The following NCAM1 variants were observed in gnomAD, a reference collection of about 807,000 sequenced individuals.
NCAM1 encodes the protein neural cell adhesion molecule 1, also known as antigen recognized by monoclonal antibody 5.1H11.
A neutral mutation model predicts 109.8 loss-of-function variants in NCAM1; 14 were observed. The ratio of observed to expected loss-of-function variants is 0.13; its 90% confidence interval spans 0.08 to 0.20. The LOEUF (loss-of-function observed/expected upper bound fraction) is 0.20. NCAM1 is among the 10% of genes least tolerant of loss of function. NCAM1 has a pLI of 1.00. For synonymous variants in NCAM1, 418 were observed against 442.9 expected (o/e 0.94, Z 0.70); for missense variants, 774 against 1,109.9 (o/e 0.70, Z 4.30).
chr11:113,229,278 T>C (rs1944934698), intron 9 of NCAM1, among the ~76,000 whole-genome samples: 1 of 152,140 alleles, frequency 6.6e-6, no homozygotes, highest in Non-Finnish European at 1.5e-5. Flanking sequence ...GCAAAGGATA[T>C]GAACGACACT....
At chr11:113,109,954 A>G (rs1391273342) in intron 1 of NCAM1, among the ~76,000 whole-genome samples, 2 of 152,214 alleles carry the variant, frequency 1.3e-5, no homozygotes, top group East Asian at 1.9e-4. Flanking sequence ...ATATATACAT[A>G]CATATATACA....
chr11:113,103,801 T>G (rs2853192), intron 1 of NCAM1, among the ~76,000 whole-genome samples: 2 of 151,992 alleles, frequency 1.3e-5, no homozygotes, highest in African/African-American at 4.8e-5. Flanking sequence ...GAAGTAACCG[T>G]GGGCGATATG....
chr11:112,980,986 T>C (rs1020030052), intron 1 of NCAM1, among the ~76,000 whole-genome samples: 4 of 151,908 alleles, frequency 2.6e-5, no homozygotes, highest in Non-Finnish European at 5.9e-5. Context: ...GAAATATTTA[T>C]GTCTTCCATT....
rs192623909 is a variant in NCAM1 at position 113,204,174 on chromosome 11, C to T, written c.128-112C>T. 519 of 872,750 alleles carry T rather than the reference C, an allele frequency of 5.9e-4. 1 individual carries two copies. The African/African-American group carries it at 7.6e-3, about 13-fold the overall frequency. The allele number at this position is 872,750 out of a possible 1,614,324, so 54.1% of individuals were successfully genotyped here. A position where few individuals can be genotyped will look rare whatever the true frequency, so the allele number is the denominator to read the frequency against. ...TACTCACCCCTCCCTGATGTTCAAG[C>T]CTTGACTGATCTGTTGTTCAGTAAC... On this transcript the variant is annotated intron_variant, in intron 2 of 19. Transcript: ENST00000316851.
chr11:113,211,478 C>T (rs1555113645), intron 7 of NCAM1, among the ~76,000 whole-genome samples: 2 of 152,218 alleles, frequency 1.3e-5, no homozygotes, highest in African/African-American at 2.4e-5. Context: ...TAGCTAGATG[C>T]TCCTTTTACT....
chr11:113,185,478 A>G (rs1555108716), intron 1 of NCAM1, among the ~76,000 whole-genome samples: 1 of 152,176 alleles, frequency 6.6e-6, no homozygotes, highest in East Asian at 1.9e-4. Context: ...CAATCAGAAC[A>G]ATGTTTGACC....
At chr11:113,040,552 G>A (rs927407144) in intron 1 of NCAM1, among the ~76,000 whole-genome samples, 3 of 152,296 alleles carry the variant, frequency 2.0e-5, no homozygotes, top group East Asian at 1.9e-4. Flanking sequence ...AACAGAAGGC[G>A]GGTGAATTTG....
chr11:113,239,599 G>A (rs553637769), intron 14 of NCAM1, among the ~76,000 whole-genome samples: 31 of 137,358 alleles, frequency 2.3e-4, no homozygotes, highest in Middle Eastern at 4.1e-3. Context: ...TCCGCCTCCC[G>A]GGTTCACGCC....
At chr11:113,148,223 G>A (rs535889723) in intron 1 of NCAM1, among the ~76,000 whole-genome samples, 5 of 152,240 alleles carry the variant, frequency 3.3e-5, no homozygotes, top group Admixed American at 1.3e-4. Flanking sequence ...CCCAGCAGCC[G>A]CTTCCATCTC....
chr11:113,139,626 G>T (rs1284423631), intron 1 of NCAM1, among the ~76,000 whole-genome samples: 1 of 152,060 alleles, frequency 6.6e-6, no homozygotes, highest in African/African-American at 2.4e-5. Flanking sequence ...CTTAGCTAAA[G>T]TATTTGGTAT....
intron 1 of NCAM1, among the ~76,000 whole-genome samples, chr11:113,117,386 G>A (rs552946074): frequency 1.3e-5 from 2 of 152,030 alleles, no homozygotes; most frequent in African/African-American, 4.8e-5. Context: ...AGTGAACAAC[G>A]CCTTCCCCTC....
intron 7 of NCAM1, among the ~76,000 whole-genome samples, chr11:113,210,239 T>TG (rs1483901790): frequency 5.9e-5 from 9 of 152,156 alleles, no homozygotes; most frequent in Admixed American, 2.0e-4. Flanking sequence ...ACCTATAATG[T>TG]GCCAAGCATT....
At chr11:113,012,534 G>A (rs1390887946) in intron 1 of NCAM1, among the ~76,000 whole-genome samples, 2 of 152,160 alleles carry the variant, frequency 1.3e-5, no homozygotes. Flanking sequence ...CCAGCAGTCT[G>A]AAATGAAGGT....
intron 14 of NCAM1, among the ~76,000 whole-genome samples, chr11:113,242,112 T>G (rs1485788762): frequency 2.0e-5 from 3 of 152,226 alleles, no homozygotes; most frequent in Non-Finnish European, 4.4e-5. Context: ...ATTTCTTACC[T>G]CTAAGGTGAA....
chr11:113,146,333 T>G (rs972842917), intron 1 of NCAM1, among the ~76,000 whole-genome samples: 1 of 152,212 alleles, frequency 6.6e-6, no homozygotes, highest in Non-Finnish European at 1.5e-5. Context: ...AAAATGAACA[T>G]AAATTTTAAG....
intron 1 of NCAM1, among the ~76,000 whole-genome samples, chr11:113,043,439 C>G (rs965037631): frequency 6.6e-6 from 1 of 152,130 alleles, no homozygotes; most frequent in Admixed American, 6.5e-5. Context: ...CCCATTCAAG[C>G]GATTCTCCTG....
intron 17 of NCAM1, chr11:113,264,797 T>TC (rs1946100188): frequency 5.1e-6 from 5 of 985,174 alleles, no homozygotes; most frequent in Non-Finnish European, 6.0e-6. Context: ...AATGTCAGGG[T>TC]CCTCAAGGGT....
At chr11:113,058,125 A>T (rs1464014572) in intron 1 of NCAM1, among the ~76,000 whole-genome samples, 1 of 152,132 alleles carries the variant, frequency 6.6e-6, no homozygotes, top group Non-Finnish European at 1.5e-5. Flanking sequence ...TCTACTAAAA[A>T]TACAAAAAAT....
At chr11:113,010,030 G>GAA (rs5794836) in intron 1 of NCAM1, among the ~76,000 whole-genome samples, 4 of 146,082 alleles carry the variant, frequency 2.7e-5, no homozygotes, top group Non-Finnish European at 4.5e-5. Flanking sequence ...GCTGCATCTT[G>GAA]AAAAAAAAAA....
Sources: allele counts gnomAD v4.1 joint callset (sites outside exome capture counted in the v4.1 genomes callset), GRCh38; gene constraint gnomAD v4.1.1; transcripts MANE v1.5; gene names NCBI Gene and HGNC (gene_info 2026-07-23, HGNC 2026-07-21).